Variants in RAD51B observed in about 807,000 individuals in gnomAD.
RAD51B encodes RAD51 paralog B.
RAD51B carries 38 observed loss-of-function variants against 42.2 expected under a neutral mutation model. The observed-to-expected ratio is 0.90, with a 90% confidence interval of 0.70 to 1.18. The LOEUF is 1.18. RAD51B is among the 50% of genes most tolerant of loss of function. The pLI is 0.00. For synonymous variants in RAD51B, 154 were observed against 145.2 expected (o/e 1.06, Z -0.43); for missense variants, 373 against 400.7 (o/e 0.93, Z 0.59).
chr14:68,271,275 A>T (rs754192110), intron 7 of RAD51B, among the ~76,000 whole-genome samples: 5 of 152,194 alleles, frequency 3.3e-5, no homozygotes, highest in Non-Finnish European at 4.4e-5. Context: ...GGTGCATAGT[A>T]AGGCTTTGAT....
At chr14:67,972,516 A>G (rs2074918633) in intron 7 of RAD51B, among the ~76,000 whole-genome samples, 1 of 152,134 alleles carries the variant, frequency 6.6e-6, no homozygotes, top group African/African-American at 2.4e-5. Context: ...TGCAGAGGCA[A>G]GAGTTTGTCT....
intron 7 of RAD51B, among the ~76,000 whole-genome samples, chr14:67,901,744 T>C (rs1237531023): frequency 2.0e-5 from 3 of 152,172 alleles, no homozygotes; most frequent in Non-Finnish European, 4.4e-5. Flanking sequence ...ATAAAAAGAA[T>C]GAAATAATGT....
chr14:68,235,143 A>C (rs1454079395), intron 7 of RAD51B, among the ~76,000 whole-genome samples: 1 of 152,116 alleles, frequency 6.6e-6, no homozygotes. Flanking sequence ...TGTGCCGTAC[A>C]TTATTGTATG....
intron 7 of RAD51B, among the ~76,000 whole-genome samples, chr14:68,272,120 C>T (rs1396181949): frequency 1.3e-5 from 2 of 152,206 alleles, no homozygotes; most frequent in East Asian, 1.9e-4. Flanking sequence ...GGCATTTCTT[C>T]ACCACGTGAT....
chr14:68,586,538 C>T (rs1890488911), intron 10 of RAD51B, among the ~76,000 whole-genome samples: 1 of 152,072 alleles, frequency 6.6e-6, no homozygotes, highest in Non-Finnish European at 1.5e-5. Context: ...AAAGGGAGAC[C>T]CATGTTGGCA....
At chr14:68,643,324 C>A (rs1451110799) in intron 10 of RAD51B, among the ~76,000 whole-genome samples, 1 of 152,182 alleles carries the variant, frequency 6.6e-6, no homozygotes, top group East Asian at 1.9e-4. Flanking sequence ...AATATAGCTA[C>A]TCCTGTTTTC....
At chr14:68,556,104 C>G (rs1466761618) in intron 10 of RAD51B, among the ~76,000 whole-genome samples, 1 of 152,194 alleles carries the variant, frequency 6.6e-6, no homozygotes, top group African/African-American at 2.4e-5. Flanking sequence ...CTTTTTATTT[C>G]TTCTAATACC....
chr14:68,256,322 T>C (rs1358513754), intron 7 of RAD51B, among the ~76,000 whole-genome samples: 1 of 152,176 alleles, frequency 6.6e-6, no homozygotes, highest in African/African-American at 2.4e-5. Flanking sequence ...TAAGAAAGGA[T>C]TAAAGGATCT....
At chr14:68,661,039 G>A (rs965348961) in intron 11 of RAD51B, among the ~76,000 whole-genome samples, 7 of 152,358 alleles carry the variant, frequency 4.6e-5, no homozygotes, top group South Asian at 2.1e-4. Context: ...TGGCTTGAGC[G>A]GAGCTGCAGC....
At chr14:68,117,067 AG>A (rs2077561383) in intron 7 of RAD51B, among the ~76,000 whole-genome samples, 1 of 152,224 alleles carries the variant, frequency 6.6e-6, no homozygotes, top group African/African-American at 2.4e-5. Context: ...AGTGGCAGAA[AG>A]GAAGAGACAT....
At chr14:68,170,651 A>G (rs970234355) in intron 7 of RAD51B, among the ~76,000 whole-genome samples, 2 of 152,116 alleles carry the variant, frequency 1.3e-5, no homozygotes, top group African/African-American at 4.8e-5. Flanking sequence ...TGGTTTTTAT[A>G]TAGTATTTTT....
At chr14:68,452,779 ACAATAAGC>A (rs2085590289) in intron 9 of RAD51B, among the ~76,000 whole-genome samples, 1 of 152,192 alleles carries the variant, frequency 6.6e-6, no homozygotes, top group South Asian at 2.1e-4. Context: ...TTTAATCCTC[ACAATAAGC>A]CTATGAGATG....
At chr14:68,363,161 C>T (rs1054832971) in intron 8 of RAD51B, among the ~76,000 whole-genome samples, 3 of 152,194 alleles carry the variant, frequency 2.0e-5, no homozygotes, top group Admixed American at 6.5e-5. Context: ...ATTTTGGGTA[C>T]AAGATAGTTT....
chr14:68,041,801 C>T (rs1019230517), intron 7 of RAD51B, among the ~76,000 whole-genome samples: 8 of 152,118 alleles, frequency 5.3e-5, no homozygotes, highest in African/African-American at 1.4e-4. Context: ...GCTATTTTAC[C>T]GCTGCTTTTC....
rs200318966 is a variant in RAD51B at position 68,515,428 on chromosome 14, TTTCTTC to T, written c.1036+47190_1036+47195del. On this transcript the variant is annotated intron_variant, in intron 10 of 10. Transcript: ENST00000487270. ...ATGGACCAATAATTTCTTTTCTTCCTTTCTTCTTCTTCTTCTTTTTTTTTTTTTTTT... is the reference window on the plus strand; with the variant it reads ...ATGGACCAATAATTTCTTTTCTTCCTTTCTTCTTCTTTTTTTTTTTTTTTT... Among the ~76,000 whole-genome samples, 166 of 136,350 alleles carry T rather than the reference TTTCTTC, an allele frequency of 1.2e-3. 2 individuals carry two copies. The highest frequency in any genetic ancestry group is 2.0e-3 in the Non-Finnish European group (126 of 63,926). 89.5% of individuals were successfully genotyped at this position (136,350 alleles called of 152,430 possible). A position where few individuals can be genotyped will look rare whatever the true frequency, so the allele number is the denominator to read the frequency against.
intron 7 of RAD51B, among the ~76,000 whole-genome samples, chr14:68,067,477 C>A (rs200573168): frequency 0.053 from 5,186 of 97,504 alleles, 48 homozygotes; most frequent in African/African-American, 0.078. Flanking sequence ...AAAAAAAAAA[C>A]AAAAAAAAAA....
rs188987491 is a variant in RAD51B, at chr14:68,329,777, C to G, written c.853+37797C>G. Among the ~76,000 whole-genome samples the G allele has an allele frequency of 3.4e-3, 515 of 152,102 alleles. 2 individuals carry two copies. The highest frequency in any genetic ancestry group is 7.2e-3 in the Admixed American group (110 of 15,278). On this transcript the variant is annotated intron_variant, in intron 8 of 10. Transcript: ENST00000471583. ...CAGGTGGATCACGAGGTCAGGAGAT[C>G]GAGACCATCCTGACCAACATGGTGA...
intron 4 of RAD51B, among the ~76,000 whole-genome samples, chr14:67,861,593 A>AAT (rs1167150275): frequency 2.0e-5 from 3 of 151,606 alleles, no homozygotes; most frequent in Admixed American, 2.0e-4. Flanking sequence ...AAAAAAAAAA[A>AAT]GATGGGTGAA....
chr14:68,303,457 T>TAAAAAA (rs58955054), intron 8 of RAD51B, among the ~76,000 whole-genome samples: 1 of 138,732 alleles, frequency 7.2e-6, no homozygotes, highest in Non-Finnish European at 1.5e-5. Context: ...TAAAGTATAA[T>TAAAAAA]AAAAAAAAAA....
Sources: gnomAD v4.1 joint callset for allele counts (sites outside exome capture counted in the v4.1 genomes callset) on GRCh38, gnomAD v4.1.1 for gene constraint, MANE v1.5 for transcripts, NCBI Gene and HGNC (gene_info 2026-07-23, HGNC 2026-07-21) for gene names.